NCOA2: variants seen among roughly 807,000 people sequenced by gnomAD.
NCOA2 encodes the protein class E basic helix-loop-helix protein 75.
A neutral mutation model predicts 145.1 loss-of-function variants in NCOA2; 21 were observed. The observed-to-expected ratio is 0.14, with a 90% CI of 0.10 to 0.21. NCOA2 has a LOEUF of 0.21. Ranked by LOEUF, NCOA2 falls within the 10% of genes least tolerant of loss-of-function variation. NCOA2 has a pLI of 1.00. For synonymous variants in NCOA2, 619 were observed against 637.5 expected, an observed-to-expected ratio of 0.97 and a Z score of 0.44; for missense variants, 1,472 against 1,837.6, an observed-to-expected ratio of 0.80 and a Z score of 3.64.
At chr8:70,374,639 C>A (rs561181642) in intron 1 of NCOA2, among the ~76,000 whole-genome samples, 1 of 151,598 alleles carries the variant, frequency 6.6e-6, no homozygotes, top group Non-Finnish European at 1.5e-5. Context: ...CCCATCTCTA[C>A]GAAAAATTTA....
At chr8:70,358,201 G>A (rs1809905290) in intron 1 of NCOA2, among the ~76,000 whole-genome samples, 1 of 152,122 alleles carries the variant, frequency 6.6e-6, no homozygotes, top group Non-Finnish European at 1.5e-5. Flanking sequence ...GTGATCTAAA[G>A]ATTAAATGCA....
chr8:70,286,527 C>A (rs565848749), intron 2 of NCOA2, among the ~76,000 whole-genome samples: 28 of 152,212 alleles, frequency 1.8e-4, no homozygotes, highest in Non-Finnish European at 3.4e-4. Flanking sequence ...GTGGATTTAA[C>A]CAGTGATTTA....
chr8:70,159,222 T>TTATATATATATA lies in NCOA2; in HGVS notation c.1124+271_1124+282dup, dbSNP rs6150644. ...ATAATACAAATAATACAGTATAACATTATATATATATATATATATATTTTT... is the reference window on the plus strand; with the variant it reads ...ATAATACAAATAATACAGTATAACATTATATATATATATATATATATATATATATATATTTTT... On this transcript the variant is annotated intron_variant, in intron 10 of 22. Transcript: ENST00000452400. Among the ~76,000 whole-genome samples, 78 of 44,476 alleles carry TTATATATATATA rather than the reference T, an allele frequency of 1.8e-3. 2 individuals carry two copies. Among genetic ancestry groups the TTATATATATATA allele is most frequent in the African/African-American group, 4.9e-3 (73 of 14,956 alleles). The allele number at this position is 44,476 out of a possible 152,430, so 29.2% of individuals were successfully genotyped here.
At chr8:70,431,627 A>G in the NCOA2 span, among the ~76,000 whole-genome samples, 1 of 152,248 alleles carries the variant, frequency 6.6e-6, no homozygotes, top group African/African-American at 2.4e-5. Flanking sequence ...TTAGTCTTTC[A>G]TGATGAATGA....
At chr8:70,282,019 T>C (rs143360508) in intron 2 of NCOA2, among the ~76,000 whole-genome samples, 231 of 152,360 alleles carry the variant, frequency 1.5e-3, no homozygotes, top group Non-Finnish European at 2.5e-3. Flanking sequence ...TGTAGGAATA[T>C]CATTCTGAAT....
chr8:70,124,345 C>CCTTT (rs939595735), intron 20 of NCOA2, among the ~76,000 whole-genome samples: 2 of 151,720 alleles, frequency 1.3e-5, no homozygotes, highest in Non-Finnish European at 2.9e-5. Flanking sequence ...CTACCTGTCT[C>CCTTT]CTTTCTTTCT....
At chr8:70,198,880 C>T (rs1426976308) in intron 4 of NCOA2, among the ~76,000 whole-genome samples, 1 of 152,110 alleles carries the variant, frequency 6.6e-6, no homozygotes, top group Non-Finnish European at 1.5e-5. Context: ...CAATTTAAGG[C>T]ACCTGTGGAA....
At chr8:70,364,479 A>C (rs573111204) in intron 1 of NCOA2, among the ~76,000 whole-genome samples, 4 of 152,358 alleles carry the variant, frequency 2.6e-5, no homozygotes, top group African/African-American at 4.8e-5. Context: ...AAACAGCAAG[A>C]AACAGCGTCG....
intron 2 of NCOA2, among the ~76,000 whole-genome samples, chr8:70,276,761 T>G (rs1172532137): frequency 6.6e-6 from 1 of 152,160 alleles, no homozygotes; most frequent in Non-Finnish European, 1.5e-5. Flanking sequence ...TTACCCAGTC[T>G]CGGGTATTTC....
chr8:70,300,433 C>G (rs925773555), intron 1 of NCOA2, among the ~76,000 whole-genome samples: 1 of 152,146 alleles, frequency 6.6e-6, no homozygotes, highest in African/African-American at 2.4e-5. Context: ...GAGTAGGGAT[C>G]TAAGGGTAAA....
Position 70,156,761 on chromosome 8 carries a change from T to C in NCOA2, c.1604A>G (p.Asn535Ser), listed in dbSNP as rs778422276. The C allele has an allele frequency of 1.8e-5, 29 of 1,613,784 alleles. No individual in the cohort carries two copies. In the South Asian group the frequency reaches 2.5e-4, roughly 14 times the overall value. Residue 535 changes from asparagine to serine, a missense_variant, in exon 11 of 23, where the codon AAT becomes AGT. Coordinates refer to ENST00000452400, the MANE Select transcript of NCOA2 (RefSeq NM_006540.4). Reference protein sequence around the residue: ...NSHSYTNSSLNALQALSEGHG... With the variant: ...NSHSYTNSSLSALQALSEGHG... ...CCCCTCGCTGAGGGCCTGAAGTGCA[T>C]TGAGGGAGCTGTTGGTATAACTATG... is the stretch of plus-strand genomic sequence containing the variant.
chr8:70,163,336 G>C, intron 8 of NCOA2, 129 bp downstream of exon 8: 1 of 667,828 alleles, frequency 1.5e-6, no homozygotes, highest in Non-Finnish European at 2.6e-6. Flanking sequence ...CCAACTCCTT[G>C]ACATTTCTAC....
intron 4 of NCOA2, among the ~76,000 whole-genome samples, chr8:70,209,108 T>G (rs574630506): frequency 6.6e-6 from 1 of 152,212 alleles, no homozygotes; most frequent in African/African-American, 2.4e-5. Flanking sequence ...TTAACAGGAA[T>G]TTGGAAGAAG....
chr8:70,356,743 A>G (rs888939685), intron 1 of NCOA2, among the ~76,000 whole-genome samples: 12 of 152,216 alleles, frequency 7.9e-5, no homozygotes, highest in African/African-American at 2.9e-4. Flanking sequence ...ACCTTACAAT[A>G]CTGCCATAAT....
intron 1 of NCOA2, among the ~76,000 whole-genome samples, chr8:70,361,203 T>A (rs930949515): frequency 4.6e-5 from 7 of 152,096 alleles, no homozygotes; most frequent in Admixed American, 1.3e-4. Context: ...ACATTTACAA[T>A]GAAAATTCTA....
At chr8:70,384,012 G>A (rs1182014028) in intron 1 of NCOA2, among the ~76,000 whole-genome samples, 1 of 152,094 alleles carries the variant, frequency 6.6e-6, no homozygotes, top group African/African-American at 2.4e-5. Flanking sequence ...GAACATCAGT[G>A]TACTCCATTT....
chr8:70,131,736 A>G, intron 16 of NCOA2, 101 bp downstream of exon 16: 1 of 1,254,556 alleles, frequency 8.0e-7, no homozygotes, highest in Non-Finnish European at 1.1e-6. Flanking sequence ...CAACAACAAT[A>G]TATTCTAAAA....
chr8:70,454,306 C>T, the NCOA2 span, among the ~76,000 whole-genome samples: 1 of 152,212 alleles, frequency 6.6e-6, no homozygotes, highest in Non-Finnish European at 1.5e-5. Context: ...ACGCTCATGA[C>T]AGCTCGGCAG....
At chr8:70,227,165 G>A (rs926545277) in intron 2 of NCOA2, among the ~76,000 whole-genome samples, 1 of 152,174 alleles carries the variant, frequency 6.6e-6, no homozygotes, top group African/African-American at 2.4e-5. Flanking sequence ...CCTCCCACTC[G>A]AGTGTCTCTG....
Sources: allele counts gnomAD v4.1 joint callset (sites outside exome capture counted in the v4.1 genomes callset), GRCh38; gene constraint gnomAD v4.1.1; transcripts MANE v1.5; gene names NCBI Gene and HGNC (gene_info 2026-07-23, HGNC 2026-07-21).